GABRB3: variants seen among roughly 807,000 people sequenced by gnomAD.
The protein encoded by GABRB3 is gamma-aminobutyric acid type A receptor subunit beta3, also known as gamma-aminobutyric acid receptor subunit beta-3.
In GABRB3, 14 loss-of-function variants were observed where a neutral mutation model predicts 52.1. That is an observed-to-expected ratio of 0.27 (90% CI 0.18 to 0.42). GABRB3 has a LOEUF of 0.42. Ranked by LOEUF, GABRB3 falls within the 10% of genes least tolerant of loss-of-function variation. GABRB3 has a pLI of 1.00. For missense variants in GABRB3, 307 were observed against 609.1 expected (o/e 0.50, Z 5.22); for synonymous variants, 260 against 232.3 (o/e 1.12, Z -1.08).
rs779891729 is a variant in GABRB3 at position 26,742,924 on chromosome 15, CT to C, written c.240+29477del. Among the ~76,000 whole-genome samples, 353 of 48,800 alleles carry C rather than the reference CT, an allele frequency of 7.2e-3. 1 individual carries two copies. Among genetic ancestry groups the C allele is most frequent in the African/African-American group, 0.019 (335 of 17,412 alleles). The allele number at this position is 48,800 out of a possible 152,430, so 32.0% of individuals were successfully genotyped here. ...ACCTTATCATTAGCCATTAGAGATT[CT>C]TTTTTTTTTTTTTTTTTTTTTTGAG... On this transcript the variant is annotated intron_variant, in intron 3 of 8. Coordinates refer to ENST00000311550, the MANE Select transcript of GABRB3 (RefSeq NM_000814.6).
At chr15:26,673,607 G>A (rs1346149) in intron 3 of GABRB3, among the ~76,000 whole-genome samples, 74,524 of 151,654 alleles carry the variant, frequency 0.49, 20,978 homozygotes, top group Admixed American at 0.63. Context: ...TATCCAGCAT[G>A]GCTGTGAAAG....
rs538443207 is a variant in GABRB3 at position 26,767,454 on chromosome 15, G to C, written c.240+4948C>G. On this transcript the variant is annotated intron_variant, in intron 3 of 8. Coordinates refer to ENST00000311550, the MANE Select transcript of GABRB3 (RefSeq NM_000814.6). Reference sequence around the variant, plus strand: ...TCCTCACTGAGATTTTCTCTGTAGAGCTCAGCCTCTTATGATATCACTTTG... The same window carrying C: ...TCCTCACTGAGATTTTCTCTGTAGACCTCAGCCTCTTATGATATCACTTTG... Among the ~76,000 whole-genome samples the C allele has an allele frequency of 3.3e-5, 5 of 152,294 alleles. No homozygotes were observed. The South Asian group carries it at 1.0e-3, about 32-fold the overall frequency.
At chr15:26,733,973 T>G (rs2140153371) in intron 3 of GABRB3, among the ~76,000 whole-genome samples, 1 of 150,274 alleles carries the variant, frequency 6.7e-6, no homozygotes, top group Non-Finnish European at 1.5e-5. Flanking sequence ...TATACAAAAA[T>G]TAACTCAAAA....
At chr15:26,715,669 C>T (rs186964748) in intron 3 of GABRB3, among the ~76,000 whole-genome samples, 282 of 152,194 alleles carry the variant, frequency 1.9e-3, no homozygotes, top group African/African-American at 5.8e-3. Flanking sequence ...TAATGAAATG[C>T]TAGAAAATGT....
intron 3 of GABRB3, among the ~76,000 whole-genome samples, chr15:26,676,535 A>C (rs562753013): frequency 2.0e-4 from 30 of 152,320 alleles, no homozygotes; most frequent in Admixed American, 2.0e-3. Context: ...CAGAACTGCC[A>C]TTTCTTTATA....
intron 8 of GABRB3, among the ~76,000 whole-genome samples, chr15:26,553,897 C>T (rs78676138): frequency 0.02 from 2,938 of 149,916 alleles, 82 homozygotes; most frequent in African/African-American, 0.067. Flanking sequence ...TTTTTAGAGA[C>T]AGGGTCTTGC....
intron 3 of GABRB3, among the ~76,000 whole-genome samples, chr15:26,757,714 T>C (rs1890701422): frequency 6.6e-6 from 1 of 152,246 alleles, no homozygotes; most frequent in African/African-American, 2.4e-5. Context: ...AGTGACATTA[T>C]GTATTTTGAA....
intron 3 of GABRB3, among the ~76,000 whole-genome samples, chr15:26,756,396 CCT>C (rs1890661654): frequency 1.3e-5 from 2 of 148,882 alleles, no homozygotes; most frequent in Admixed American, 1.4e-4. Flanking sequence ...GGTGAAACCC[CCT>C]CTCTACTAAA....
chr15:26,598,627 G>C (rs1171847402), intron 4 of GABRB3, among the ~76,000 whole-genome samples: 2 of 152,112 alleles, frequency 1.3e-5, no homozygotes, highest in African/African-American at 4.8e-5. Context: ...GATTTCTATG[G>C]GCACACATAT....
intron 3 of GABRB3, among the ~76,000 whole-genome samples, chr15:26,709,982 G>A (rs1472901614): frequency 6.6e-6 from 1 of 152,152 alleles, no homozygotes; most frequent in Admixed American, 6.5e-5. Context: ...GGCAAGTACT[G>A]ATCTACTCTC....
At chr15:26,590,630 T>C (rs17117137) in intron 4 of GABRB3, among the ~76,000 whole-genome samples, 1,856 of 152,352 alleles carry the variant, frequency 0.012, 30 homozygotes, top group African/African-American at 0.042. Flanking sequence ...AGGCCAATGT[T>C]TCGTTTATCC....
At chr15:26,732,911 T>C (rs988137393) in intron 3 of GABRB3, among the ~76,000 whole-genome samples, 2 of 151,942 alleles carry the variant, frequency 1.3e-5, no homozygotes, top group Non-Finnish European at 2.9e-5. Flanking sequence ...GATAGGAGGA[T>C]TCCTTGAGCC....
chr15:26,766,182 G>T (rs114497654), intron 3 of GABRB3, among the ~76,000 whole-genome samples: 5 of 152,122 alleles, frequency 3.3e-5, no homozygotes, highest in Non-Finnish European at 7.4e-5. Context: ...TGTCTGATAG[G>T]CTTCATTTAT....
In GABRB3 at chr15:26,611,695, T is replaced by G. The variant is rs139745367; in HGVS notation, c.461+9619A>C. On this transcript the variant is annotated intron_variant, in intron 4 of 8. Transcript: ENST00000311550. ...TTTTTTGTTTGTTTCTCTGTACGTC[T>G]ATCTTCATGCACATGCAGAGGAACT... 7.1e-3 allele frequency among the ~76,000 whole-genome samples: 1,088 copies of G among 152,344 alleles called. 37 individuals carry two copies. The highest frequency in any genetic ancestry group is 0.063 in the Admixed American group (971 of 15,302).
chr15:26,734,027 T>C (rs1890001147), intron 3 of GABRB3, among the ~76,000 whole-genome samples: 2 of 112,238 alleles, frequency 1.8e-5, no homozygotes, highest in Non-Finnish European at 3.5e-5. Flanking sequence ...ATAGGGCTTT[T>C]TTTTTTTTTT....
chr15:26,730,739 C>T (rs543693236), intron 3 of GABRB3, among the ~76,000 whole-genome samples: 110 of 152,280 alleles, frequency 7.2e-4, no homozygotes, highest in Non-Finnish European at 1.3e-3. Context: ...AAAGTCAGTG[C>T]CAGATGTCCA....
At chr15:26,579,215 C>A (rs1424542913) in intron 6 of GABRB3, among the ~76,000 whole-genome samples, 21 of 152,210 alleles carry the variant, frequency 1.4e-4, no homozygotes, top group Non-Finnish European at 4.4e-5. Context: ...GGATGAACCA[C>A]GCATGACTGA....
chr15:26,547,420 G>A lies in GABRB3; in HGVS notation c.*373C>T, dbSNP rs1038310401. On this transcript the variant is annotated 3_prime_UTR_variant, in exon 9 of 9. Transcript: ENST00000311550. ...ATTTGGGGATGATATTGTGTTTCAC[G>A]CCCTCATTCTCAAGGCATAATATTT... 1.6e-5 allele frequency: 7 copies of A among 435,846 alleles called. No homozygotes were observed. Among genetic ancestry groups the A allele is most frequent in the Middle Eastern group, 5.9e-4 (1 of 1,700 alleles). The allele number at this position is 435,846 out of a possible 1,614,324, so 27.0% of individuals were successfully genotyped here.
At chr15:26,587,141 T>G (rs1475258969) in intron 4 of GABRB3, among the ~76,000 whole-genome samples, 1 of 152,178 alleles carries the variant, frequency 6.6e-6, no homozygotes, top group Non-Finnish European at 1.5e-5. Context: ...TAACATCATT[T>G]TGTGCCCCAT....
Sources: allele counts gnomAD v4.1 joint callset (sites outside exome capture counted in the v4.1 genomes callset), GRCh38; gene constraint gnomAD v4.1.1; transcripts MANE v1.5; gene names NCBI Gene and HGNC (gene_info 2026-07-23, HGNC 2026-07-21).